ZSWIM6: variants seen among roughly 807,000 people sequenced by gnomAD.
ZSWIM6 encodes zinc finger SWIM domain-containing protein 6.
ZSWIM6 carries 9 observed loss-of-function variants against 113.2 expected under a neutral mutation model. The ratio of observed to expected loss-of-function variants is 0.08; its 90% CI spans 0.05 to 0.14. The LOEUF is 0.14. Among genes scored for constraint, ZSWIM6 ranks in the 10% least tolerant of loss-of-function variants. The probability of loss-of-function intolerance (pLI) is 1.00; values close to 1 mark genes in which losing one functional copy is unlikely to be tolerated. For missense variants in ZSWIM6, 1,162 were observed against 1,552.2 expected, an observed-to-expected ratio of 0.75 and a Z score of 4.22; for synonymous variants, 611 against 606.5, an observed-to-expected ratio of 1.01 and a Z score of -0.11.
intron 4 of ZSWIM6, among the ~76,000 whole-genome samples, chr5:61,520,747 A>G (rs145241678): frequency 2.0e-5 from 3 of 152,284 alleles, no homozygotes; most frequent in East Asian, 1.9e-4. Context: ...TGTGTCCACT[A>G]TATGCCTTAA....
intron 1 of ZSWIM6, among the ~76,000 whole-genome samples, chr5:61,334,268 C>T (rs539238062): frequency 1.3e-5 from 2 of 152,226 alleles, no homozygotes; most frequent in African/African-American, 2.4e-5. Context: ...TCAGCCATAG[C>T]GATGGGAATG....
chr5:61,365,364 T>A (rs1028524377), intron 1 of ZSWIM6, among the ~76,000 whole-genome samples: 4 of 134,716 alleles, frequency 3.0e-5, no homozygotes, highest in South Asian at 4.8e-4. Context: ...AAAAAAAAAA[T>A]TATATATATA....
intron 1 of ZSWIM6, among the ~76,000 whole-genome samples, chr5:61,386,011 T>C (rs529309020): frequency 1.3e-5 from 2 of 152,318 alleles, no homozygotes; most frequent in Admixed American, 6.5e-5. Context: ...AGTGGCACTA[T>C]TGCCCAGCAA....
intron 1 of ZSWIM6, among the ~76,000 whole-genome samples, chr5:61,350,898 T>C (rs184053116): frequency 6.6e-6 from 1 of 152,326 alleles, no homozygotes; most frequent in East Asian, 1.9e-4. Flanking sequence ...TTCTAAATAG[T>C]ACACAAAAGG....
chr5:61,348,540 A>G (rs1268456880), intron 1 of ZSWIM6, among the ~76,000 whole-genome samples: 1 of 152,224 alleles, frequency 6.6e-6, no homozygotes, highest in Non-Finnish European at 1.5e-5. Context: ...TCAGTATATG[A>G]CAGTCTATTT....
intron 1 of ZSWIM6, among the ~76,000 whole-genome samples, chr5:61,413,007 TC>T (rs1345498571): frequency 6.6e-6 from 1 of 151,732 alleles, no homozygotes; most frequent in African/African-American, 2.4e-5. Flanking sequence ...TCTTTTTTTT[TC>T]CTTATTTTTT....
intron 1 of ZSWIM6, among the ~76,000 whole-genome samples, chr5:61,349,973 A>G (rs1373330330): frequency 6.6e-6 from 1 of 152,214 alleles, no homozygotes; most frequent in Non-Finnish European, 1.5e-5. Context: ...CTGTCTAATT[A>G]ATAGGAATGG....
intron 1 of ZSWIM6, among the ~76,000 whole-genome samples, chr5:61,361,648 C>A (rs1745033675): frequency 6.6e-6 from 1 of 152,138 alleles, no homozygotes. Context: ...TTCCAGGGAA[C>A]CCCCCTTACC....
At chr5:61,394,344 C>T (rs1745794677) in intron 1 of ZSWIM6, among the ~76,000 whole-genome samples, 1 of 152,188 alleles carries the variant, frequency 6.6e-6, no homozygotes, top group South Asian at 2.1e-4. Flanking sequence ...CAGGCAGTGT[C>T]TTCTCCAGGG....
rs1454367109 is a variant in ZSWIM6 at position 61,535,520 on chromosome 5, G to A, written c.2282G>A (p.Arg761Gln). ...AGTGGTTTAGGTGAAATAATCCATCGGGAGAGCGTTCCAATGCACACATTT... is the reference window on the plus strand; with the variant it reads ...AGTGGTTTAGGTGAAATAATCCATCAGGAGAGCGTTCCAATGCACACATTT... ...PYSGLGEIIH[R>Q]ESVPMHTFAK... The change falls in exon 10 of 14, where the codon CGG becomes CAG. Residue 761 changes from arginine (R) to glutamine (Q), a missense_variant. Around this residue, in one of 4 missense-constraint regions of ZSWIM6, gnomAD observed 620 missense variants for 804.6 expected, o/e 0.77. Coordinates refer to ENST00000252744, the MANE Select transcript of ZSWIM6 (RefSeq NM_020928.2). The A allele has an allele frequency of 1.3e-5, 20 of 1,551,162 alleles. No homozygotes were observed. Among genetic ancestry groups the A allele is most frequent in the South Asian group, 8.3e-5 (7 of 84,060 alleles).
chr5:61,479,324 A>G (rs918642417), intron 2 of ZSWIM6, among the ~76,000 whole-genome samples: 2 of 152,006 alleles, frequency 1.3e-5, no homozygotes, highest in African/African-American at 4.8e-5. Context: ...TATGTCTCTT[A>G]ATTAGGAGGA....
intron 1 of ZSWIM6, among the ~76,000 whole-genome samples, chr5:61,464,074 C>G (rs1747374238): frequency 6.6e-6 from 1 of 151,198 alleles, no homozygotes; most frequent in East Asian, 1.9e-4. Context: ...TCACTGCAGC[C>G]TCTGCCTCCT....
At chr5:61,447,842 A>C (rs1746998338) in intron 1 of ZSWIM6, among the ~76,000 whole-genome samples, 1 of 152,324 alleles carries the variant, frequency 6.6e-6, no homozygotes, top group East Asian at 1.9e-4. Flanking sequence ...GGGGGAGATC[A>C]GTCTCAAATC....
At chr5:61,497,572 G>A (rs1008312201) in intron 4 of ZSWIM6, among the ~76,000 whole-genome samples, 9 of 152,044 alleles carry the variant, frequency 5.9e-5, no homozygotes, top group Admixed American at 1.3e-4. Context: ...AATAGGTACA[G>A]ATGCATAGTC....
intron 5 of ZSWIM6, among the ~76,000 whole-genome samples, chr5:61,522,034 A>G (rs1317022751): frequency 3.3e-5 from 5 of 151,404 alleles, no homozygotes; most frequent in African/African-American, 1.2e-4. Flanking sequence ...CAACCAAGAA[A>G]TGCTCCCAGA....
intron 4 of ZSWIM6, among the ~76,000 whole-genome samples, chr5:61,509,918 A>G (rs1369717022): frequency 2.6e-5 from 4 of 152,086 alleles, no homozygotes; most frequent in African/African-American, 9.7e-5. Context: ...TTCTGTTTTA[A>G]CTGTTGATTC....
intron 1 of ZSWIM6, among the ~76,000 whole-genome samples, chr5:61,409,790 A>G (rs1398605090): frequency 1.3e-5 from 2 of 152,166 alleles, no homozygotes; most frequent in Non-Finnish European, 2.9e-5. Context: ...GTGGGTAAGC[A>G]TGGAGTGCAA....
At position 61,334,775 on chromosome 5, in the gene ZSWIM6, T is replaced by A. The variant is rs1454987235; in HGVS notation, c.676+1827T>A. 2.0e-5 allele frequency among the ~76,000 whole-genome samples: 3 copies of A among 152,226 alleles called. No homozygotes were observed. In the East Asian group the frequency reaches 5.8e-4, roughly 29 times the overall value. On this transcript the variant is annotated intron_variant, in intron 1 of 13. Transcript: ENST00000252744. ...TAACATTCTTCCTAGTTATACCTTT[T>A]TTTTTGTTTGTTTGTCTGTTTCCTG... is the stretch of plus-strand genomic sequence containing the variant.
At chr5:61,431,808 A>G (rs1468378700) in intron 1 of ZSWIM6, among the ~76,000 whole-genome samples, 1 of 152,220 alleles carries the variant, frequency 6.6e-6, no homozygotes, top group East Asian at 1.9e-4. Flanking sequence ...TTAATTCTTC[A>G]TTAAAGAATG....
Sources: gnomAD v4.1 joint callset for allele counts (sites outside exome capture counted in the v4.1 genomes callset) on GRCh38, gnomAD v4.1.1 for gene constraint, gnomAD v4.1.1 regional missense constraint, MANE v1.5 for transcripts, NCBI Gene and HGNC (gene_info 2026-07-23, HGNC 2026-07-21) for gene names.